Variants in XAB2 observed in about 807,000 individuals in gnomAD.
The protein encoded by XAB2 is XPA binding protein 2.
XAB2 carries 57 observed loss-of-function variants against 113.4 expected under a neutral mutation model. That is an observed-to-expected ratio of 0.50 (90% confidence interval 0.41 to 0.63). The LOEUF (loss-of-function observed/expected upper bound fraction) is 0.63, where lower values mean the gene tolerates loss of function less well. Ranked by LOEUF, XAB2 falls within the 20% of genes least tolerant of loss-of-function variation. XAB2 has a pLI of 0.00. For missense variants in XAB2, 1,037 were observed against 1,233.3 expected (o/e 0.84, Z 2.38); for synonymous variants, 497 against 498.8 (o/e 1.00, Z 0.05).
intron 9 of XAB2, 55 bp from the exon 10 acceptor site, chr19:7,622,948 C>T: frequency 1.3e-5 from 20 of 1,596,580 alleles, no homozygotes; most frequent in Non-Finnish European, 1.7e-5. Context: ...ACAGCTCCCA[C>T]CATCAAGGGT....
Position 7,620,995 on chromosome 19 carries a change from G to A in XAB2, c.1822C>T (p.Leu608=), listed in dbSNP as rs1386595162. ...LYAQLEEEWG[L]ARHAMAVYER... is the part of the protein sequence containing the mutation. ...TACACGGCCATGGCATGCCGGGCCA[G>A]GCCCCACTCCTCCTCCAGCTGTGCG... The change falls in exon 14 of 19, where the codon CTG becomes TTG. Residue 608 remains leucine (L), a synonymous_variant. Transcript: ENST00000358368. 6.4e-7 allele frequency: 1 copy of A among 1,566,602 alleles called. No individual in the cohort carries two copies. Among genetic ancestry groups the A allele is most frequent in the Non-Finnish European group, 8.6e-7 (1 of 1,157,280 alleles).
rs1353031096 is a variant in XAB2 at position 7,626,222 on chromosome 19, C to G, written c.571G>C (p.Asp191His). The G allele has an allele frequency of 6.2e-7, 1 of 1,613,714 alleles. No homozygotes were observed. The highest frequency in any genetic ancestry group is 1.7e-5 in the Admixed American group (1 of 60,032). ...EEYIEYLKSSDRLDEAAQRLA... is the reference protein window; with the variant it reads ...EEYIEYLKSSHRLDEAAQRLA... The stretch of plus-strand genomic sequence containing the variant: ...CGCTGGGCGGCCTCATCCAGCCGGT[C>G]ACTTGACTTGAGGTACTCAATGTAC... Residue 191 changes from aspartate (D) to histidine (H), a missense_variant, in exon 5 of 19, where the codon GAC becomes CAC. Coordinates refer to ENST00000358368, the MANE Select transcript of XAB2 (RefSeq NM_020196.3).
chr19:7,626,683 G>C (rs1283613279), intron 4 of XAB2, among the ~76,000 whole-genome samples: 5 of 152,096 alleles, frequency 3.3e-5, no homozygotes, highest in Non-Finnish European at 5.9e-5. Context: ...TCCAGCCTCA[G>C]TCCTGACTGG....
chr19:7,626,225 T>C lies in XAB2; in HGVS notation c.568A>G (p.Ser190Gly). 1 of 1,613,652 alleles carries C rather than the reference T, an allele frequency of 6.2e-7. No homozygotes were observed. Among genetic ancestry groups the C allele is most frequent in the Non-Finnish European group, 8.5e-7 (1 of 1,180,024 alleles). Reference sequence around the variant, plus strand: ...TGGGCGGCCTCATCCAGCCGGTCACTTGACTTGAGGTACTCAATGTACTCC... The same window carrying C: ...TGGGCGGCCTCATCCAGCCGGTCACCTGACTTGAGGTACTCAATGTACTCC... The part of the protein sequence containing the change: ...AEEYIEYLKS[S>G]DRLDEAAQRL... The change falls in exon 5 of 19, where the codon AGT becomes GGT. Residue 190 changes from serine to glycine, a missense_variant. By Grantham distance (56) the Ser-to-Gly change is moderately conservative (BLOSUM62 0). Coordinates refer to ENST00000358368, the MANE Select transcript of XAB2 (RefSeq NM_020196.3).
Position 7,628,078 on chromosome 19 carries a change from C to T in XAB2, c.200+72G>A. On this transcript the variant is annotated intron_variant, in intron 2 of 18. Transcript: ENST00000358368. The surrounding 1 kb of genome is among the most constrained non-coding windows in gnomAD (Gnocchi z 4.6). Reference sequence around the variant, plus strand: ...GCAATCACCCGGGACCCGGGACCCACTTGGCAGTTTTGTTATAACTGGACC... The same window carrying T: ...GCAATCACCCGGGACCCGGGACCCATTTGGCAGTTTTGTTATAACTGGACC... 1 of 1,555,514 alleles carries T rather than the reference C, an allele frequency of 6.4e-7. No individual in the cohort carries two copies. The highest frequency in any genetic ancestry group is 8.7e-7 in the Non-Finnish European group (1 of 1,148,990).
In XAB2 at chr19:7,619,628, C is replaced by G; in HGVS notation, c.2526G>C (p.Gln842His). Reference sequence around the variant, plus strand: ...TCCCAAACACTGCGGCTGGCACGCTCTGCTGCTCCAGCCGAACCTCTGTGG... The same window carrying G: ...TCCCAAACACTGCGGCTGGCACGCTGTGCTGCTCCAGCCGAACCTCTGTGG... ...LEPNEVRLEQ[Q>H]SVPAAVFGSL... is the part of the protein sequence containing the mutation. The change falls in exon 19 of 19, where the codon CAG (glutamine) becomes CAC (histidine). Residue 842 changes from glutamine to histidine, a missense_variant. By Grantham distance (24) the Gln-to-His change is conservative. Transcript: ENST00000358368. 3 of 1,603,966 alleles carry G rather than the reference C, an allele frequency of 1.9e-6. No homozygotes were observed. The highest frequency in any genetic ancestry group is 2.6e-6 in the Non-Finnish European group (3 of 1,174,878).
rs774729857 is a variant in XAB2, at chr19:7,619,624, C to T, written c.2530G>A (p.Val844Met). The T allele has an allele frequency of 7.5e-6, 12 of 1,603,434 alleles. No homozygotes were observed. The highest frequency in any genetic ancestry group is 1.0e-5 in the Non-Finnish European group (12 of 1,174,748). Residue 844 changes from valine to methionine, a missense_variant, in exon 19 of 19, where the codon GTG (valine) becomes ATG (methionine). Physicochemically the swap from Val to Met is conservative, Grantham distance 21. Coordinates refer to ENST00000358368, the MANE Select transcript of XAB2 (RefSeq NM_020196.3). Reference sequence around the variant, plus strand: ...AGGCTCCCAAACACTGCGGCTGGCACGCTCTGCTGCTCCAGCCGAACCTCT... The same window carrying T: ...AGGCTCCCAAACACTGCGGCTGGCATGCTCTGCTGCTCCAGCCGAACCTCT... ...PNEVRLEQQS[V>M]PAAVFGSLKE... is the part of the protein sequence containing the mutation.
In XAB2 at chr19:7,621,159, C is replaced by A. The variant is rs772038262; in HGVS notation, c.1756G>T (p.Gly586Cys). 2 of 1,610,874 alleles carry A rather than the reference C, an allele frequency of 1.2e-6. No homozygotes were observed. The highest frequency in any genetic ancestry group is 4.5e-5 in the East Asian group (2 of 44,792). Residue 586 changes from glycine to cysteine, a missense_variant, in exon 13 of 19, where the codon GGC becomes TGC. Transcript: ENST00000358368. Reference sequence around the variant, plus strand: ...CTCTTGGCATATTTTGGGGGGCAGCCGTCCAGAGCCTGTTCAAACAGGTCC... The same window carrying A: ...CTCTTGGCATATTTTGGGGGGCAGCAGTCCAGAGCCTGTTCAAACAGGTCC... Reference protein sequence around the residue: ...ARDLFEQALDGCPPKYAKTLY... With the variant: ...ARDLFEQALDCCPPKYAKTLY...
intron 1 of XAB2, among the ~76,000 whole-genome samples, chr19:7,629,122 G>GGC (rs1362636321): frequency 2.6e-5 from 4 of 152,096 alleles, no homozygotes; most frequent in Admixed American, 2.0e-4. Flanking sequence ...CCAGAACCCT[G>GGC]GCCTCGTAAG....
At position 7,626,015 on chromosome 19, in the gene XAB2, G is replaced by A. The variant is rs1180260953; in HGVS notation, c.687C>T (p.Ser229=). 6.2e-7 allele frequency: 1 copy of A among 1,611,814 alleles called. No individual in the cohort carries two copies. Among genetic ancestry groups the A allele is most frequent in the Admixed American group, 1.7e-5 (1 of 59,926 alleles). ...QLWHELCDLI[S]QNPDKVQSLN... ...GGGACTGTACCTTGTCCGGATTCTG[G>A]GAGATGAGGTCGCACAGCTCGTGCC... Residue 229 remains serine (S), a synonymous_variant, in exon 6 of 19, where the codon TCC becomes TCT. Coordinates refer to ENST00000358368, the MANE Select transcript of XAB2 (RefSeq NM_020196.3).
Position 7,623,920 on chromosome 19 carries a change from C to A in XAB2, c.968-38G>T, listed in dbSNP as rs764106225. 1 of 1,505,412 alleles carries A rather than the reference C, an allele frequency of 6.6e-7. No homozygotes were observed. 93.3% of individuals were successfully genotyped at this position (1,505,412 alleles called of 1,614,324 possible). A position where few individuals can be genotyped will look rare whatever the true frequency, so the allele number is the denominator to read the frequency against. The stretch of plus-strand genomic sequence containing the variant: ...AACATGTTTGTCAGGGGCGGAGACC[C>A]AGGATGCAGGTCCCCGGATGCCACC... On this transcript the variant is annotated intron_variant, in intron 7 of 18. Transcript: ENST00000358368. This position sits in a 1 kb window ranked among gnomAD's most constrained non-coding sequence, Gnocchi z 4.6.
chr19:7,622,854 T>A lies in XAB2; in HGVS notation c.1279A>T (p.Lys427Ter). Residue 427 changes from lysine (K) to a stop codon, truncating the protein, a stop_gained, in exon 10 of 19, where the codon AAG (lysine) becomes TAG (stop). Transcript: ENST00000358368. LOFTEE classifies it high-confidence loss of function. ...ILEKATKVNF[K>*]QVDDLASVWC... ...ACGCTTGCCAGGTCATCCACCTGCTTGAAGTTCACCTTGGTGGCCTTCTCC... is the reference window on the plus strand; with the variant it reads ...ACGCTTGCCAGGTCATCCACCTGCTAGAAGTTCACCTTGGTGGCCTTCTCC... 1 of 1,613,952 alleles carries A rather than the reference T, an allele frequency of 6.2e-7. No individual in the cohort carries two copies. Among genetic ancestry groups the A allele is most frequent in the South Asian group, 1.1e-5 (1 of 91,050 alleles).
Position 7,626,187 on chromosome 19 carries a change from G to C in XAB2, c.606C>G (p.Thr202=). The change falls in exon 5 of 19, where the codon ACC becomes ACG. Residue 202 remains threonine (T), a synonymous_variant. Transcript: ENST00000358368. The part of the protein sequence containing the change: ...RLDEAAQRLA[T]VVNDERFVSK... Reference sequence around the variant, plus strand: ...ACACGAAACGCTCGTCGTTCACCACGGTGGCCAGGCGCTGGGCGGCCTCAT... The same window carrying C: ...ACACGAAACGCTCGTCGTTCACCACCGTGGCCAGGCGCTGGGCGGCCTCAT... 1.2e-6 allele frequency: 2 copies of C among 1,613,734 alleles called. No homozygotes were observed. The highest frequency in any genetic ancestry group is 1.7e-6 in the Non-Finnish European group (2 of 1,180,024).
At position 7,627,274 on chromosome 19, in the gene XAB2, G is replaced by A. The variant is rs1221807501; in HGVS notation, c.491C>T (p.Thr164Ile). 1 of 1,613,544 alleles carries A rather than the reference G, an allele frequency of 6.2e-7. No individual in the cohort carries two copies. The highest frequency in any genetic ancestry group is 8.5e-7 in the Non-Finnish European group (1 of 1,180,020). Reference sequence around the variant, plus strand: ...GAAGCGCCGATAGCCTCGCACAGCTGTCTCAGGCAGTGGGTGTGAGCGCAG... The same window carrying A: ...GAAGCGCCGATAGCCTCGCACAGCTATCTCAGGCAGTGGGTGTGAGCGCAG... Reference protein sequence around the residue: ...RFLRSHPLPETAVRGYRRFLK... With the variant: ...RFLRSHPLPEIAVRGYRRFLK... Residue 164 changes from threonine to isoleucine, a missense_variant, in exon 4 of 19, where the codon ACA (threonine) becomes ATA (isoleucine). By Grantham distance (89) the Thr-to-Ile change is moderately conservative. Transcript: ENST00000358368. The surrounding 1 kb of genome is among the most constrained non-coding windows in gnomAD (Gnocchi z 4.5).
chr19:7,619,906 A>ACCTGTCCCAGT, intron 17 of XAB2, 40 bp downstream of exon 17: 1 of 1,609,668 alleles, frequency 6.2e-7, no homozygotes, highest in Non-Finnish European at 8.5e-7. Flanking sequence ...CCCCCTTGGG[A>ACCTGTCCCAGT]CCTGTCCCAG....
Position 7,625,155 on chromosome 19 carries a change from T to A in XAB2, c.823-710A>T, listed in dbSNP as rs1457520228. On this transcript the variant is annotated intron_variant, in intron 6 of 18. Coordinates refer to ENST00000358368, the MANE Select transcript of XAB2 (RefSeq NM_020196.3). The surrounding 1 kb of genome is among the most constrained non-coding windows in gnomAD (Gnocchi z 5.2). ...TCTGCACCCACCTGCCCCCAGGCCATCCCCTGAGCTTGCCACTCCACTGCC... is the reference window on the plus strand; with the variant it reads ...TCTGCACCCACCTGCCCCCAGGCCAACCCCTGAGCTTGCCACTCCACTGCC... Among the ~76,000 whole-genome samples the A allele has an allele frequency of 6.6e-6, 1 of 152,088 alleles. No individual in the cohort carries two copies. The highest frequency in any genetic ancestry group is 2.4e-5 in the African/African-American group (1 of 41,404).
In XAB2 at chr19:7,619,556, G is replaced by A. The variant is rs2030979019; in HGVS notation, c.*30C>T. 2.0e-6 allele frequency: 3 copies of A among 1,468,538 alleles called. No homozygotes were observed. Among genetic ancestry groups the A allele is most frequent in the South Asian group, 1.3e-5 (1 of 75,142 alleles). The allele number at this position is 1,468,538 out of a possible 1,614,324, so 91.0% of individuals were successfully genotyped here. A position where few individuals can be genotyped will look rare whatever the true frequency, so the allele number is the denominator to read the frequency against. Reference sequence around the variant, plus strand: ...ACAAACGTAGCTGTATTGGGGAGGGGGTGGGGAGGGGGGATGGGGGAGGGA... The same window carrying A: ...ACAAACGTAGCTGTATTGGGGAGGGAGTGGGGAGGGGGGATGGGGGAGGGA... On this transcript the variant is annotated 3_prime_UTR_variant, in exon 19 of 19. Transcript: ENST00000358368.
intron 12 of XAB2, chr19:7,621,521 A>G (rs4134860): frequency 0.19 from 108,775 of 574,912 alleles, 10,706 homozygotes; most frequent in South Asian, 0.22. Flanking sequence ...CCTGCTAAGC[A>G]CAGTCTGGCC....
At chr19:7,626,655 C>A (rs867758786) in intron 4 of XAB2, among the ~76,000 whole-genome samples, 3 of 152,178 alleles carry the variant, frequency 2.0e-5, no homozygotes, top group African/African-American at 7.2e-5. Context: ...ACAATGGGTC[C>A]AGCCTTGGCT....
Sources: allele counts gnomAD v4.1 joint callset (sites outside exome capture counted in the v4.1 genomes callset), GRCh38; gene constraint gnomAD v4.1.1; non-coding constraint Gnocchi (gnomAD v3.1); transcripts MANE v1.5; gene names NCBI Gene and HGNC (gene_info 2026-07-23, HGNC 2026-07-21).